EPHB1: variants seen among roughly 807,000 people sequenced by gnomAD.
The protein encoded by EPHB1 is ephrin type-B receptor 1.
A neutral mutation model predicts 94.4 loss-of-function variants in EPHB1; 30 were observed. The ratio of observed to expected loss-of-function variants is 0.32; its 90% CI spans 0.24 to 0.43. EPHB1 has a LOEUF of 0.43. Among genes scored for constraint, EPHB1 ranks in the 20% least tolerant of loss-of-function variants. The pLI, the probability that EPHB1 is intolerant of heterozygous loss-of-function variation, is 1.00. For missense variants in EPHB1, 1,055 were observed against 1,308.3 expected (o/e 0.81, Z 2.99); for synonymous variants, 522 against 489.1 (o/e 1.07, Z -0.89).
chr3:135,205,729 C>G (rs546751553), intron 12 of EPHB1, among the ~76,000 whole-genome samples: 8 of 152,286 alleles, frequency 5.3e-5, no homozygotes, highest in Non-Finnish European at 1.2e-4. Flanking sequence ...TATCATGTAA[C>G]TATCCGTCTA....
At chr3:135,083,309 AG>A (rs1196777827) in intron 3 of EPHB1, among the ~76,000 whole-genome samples, 21 of 151,960 alleles carry the variant, frequency 1.4e-4, no homozygotes, top group Admixed American at 1.3e-3. Flanking sequence ...AGAAAGCAGC[AG>A]GGGGGAAATT....
chr3:135,233,050 C>T (rs375107403), intron 12 of EPHB1, among the ~76,000 whole-genome samples: 2 of 152,146 alleles, frequency 1.3e-5, no homozygotes, highest in African/African-American at 4.8e-5. Flanking sequence ...CAAATCATAC[C>T]ATTCCACTTC....
chr3:135,072,524 C>T (rs1181476058), intron 3 of EPHB1, among the ~76,000 whole-genome samples: 2 of 152,198 alleles, frequency 1.3e-5, no homozygotes, highest in Admixed American at 6.5e-5. Flanking sequence ...GTAGCTCCTT[C>T]CAGTCTGCCC....
chr3:134,898,934 A>G (rs548063066), intron 1 of EPHB1, among the ~76,000 whole-genome samples: 2 of 152,156 alleles, frequency 1.3e-5, no homozygotes, highest in Non-Finnish European at 2.9e-5. Flanking sequence ...AGTCTTCAGA[A>G]GACCTCTGCA....
intron 12 of EPHB1, among the ~76,000 whole-genome samples, chr3:135,240,374 C>G (rs1943752940): frequency 6.6e-6 from 1 of 152,102 alleles, no homozygotes; most frequent in South Asian, 2.1e-4. Flanking sequence ...TGGCTAAGGT[C>G]TGGCAGACAA....
At position 134,888,431 on chromosome 3, in the gene EPHB1, C is replaced by T. The variant is rs367977599; in HGVS notation, c.59-37385C>T. 7.5e-4 allele frequency among the ~76,000 whole-genome samples: 114 copies of T among 152,040 alleles called. 1 individual carries two copies. The highest frequency in any genetic ancestry group is 1.6e-3 in the Admixed American group (25 of 15,272). ...AAGAGAAACATGCCTTTTTCTGGGCCGGGTGTGGTGGCTCACGCCTGTAAT... is the reference window on the plus strand; with the variant it reads ...AAGAGAAACATGCCTTTTTCTGGGCTGGGTGTGGTGGCTCACGCCTGTAAT... On this transcript the variant is annotated intron_variant, in intron 1 of 15. Transcript: ENST00000398015.
At chr3:134,824,562 G>A (rs573368020) in intron 1 of EPHB1, among the ~76,000 whole-genome samples, 2 of 152,272 alleles carry the variant, frequency 1.3e-5, no homozygotes, top group East Asian at 1.9e-4. Context: ...TTTGGTGATG[G>A]GAACTTGCCA....
At chr3:134,816,282 C>T (rs60393096) in intron 1 of EPHB1, among the ~76,000 whole-genome samples, 126 of 151,918 alleles carry the variant, frequency 8.3e-4, no homozygotes, top group East Asian at 8.0e-3. Flanking sequence ...TTAGTAGAGA[C>T]GGGGTTTCAC....
intron 5 of EPHB1, among the ~76,000 whole-genome samples, chr3:135,141,234 G>A (rs910702973): frequency 6.7e-6 from 1 of 148,426 alleles, no homozygotes; most frequent in Admixed American, 6.8e-5. Context: ...GCCCAGTCAT[G>A]CCCCCTAAGA....
chr3:135,100,428 G>A (rs1485201608), intron 3 of EPHB1, among the ~76,000 whole-genome samples: 1 of 152,122 alleles, frequency 6.6e-6, no homozygotes, highest in Admixed American at 6.6e-5. Context: ...CAGGTTAAAG[G>A]GCTCCAATAA....
At chr3:135,174,309 G>T (rs995820166) in intron 9 of EPHB1, among the ~76,000 whole-genome samples, 6 of 152,104 alleles carry the variant, frequency 3.9e-5, no homozygotes, top group African/African-American at 1.4e-4. Flanking sequence ...CCACATTCAA[G>T]CTGGTATCAC....
At chr3:135,053,564 A>G (rs964076578) in intron 3 of EPHB1, among the ~76,000 whole-genome samples, 1 of 152,230 alleles carries the variant, frequency 6.6e-6, no homozygotes, top group African/African-American at 2.4e-5. Flanking sequence ...GAGTCTTAGC[A>G]TATCAATAGT....
At chr3:135,155,482 G>A (rs983756019) in intron 6 of EPHB1, among the ~76,000 whole-genome samples, 1 of 152,030 alleles carries the variant, frequency 6.6e-6, no homozygotes, top group African/African-American at 2.4e-5. Context: ...AGATGAGAGA[G>A]ATTACCAGAG....
At chr3:135,128,466 CA>C (rs1188130928) in intron 4 of EPHB1, among the ~76,000 whole-genome samples, 1 of 152,162 alleles carries the variant, frequency 6.6e-6, no homozygotes, top group Non-Finnish European at 1.5e-5. Context: ...GGAATATGCC[CA>C]TCTCATCAGG....
At chr3:135,053,592 A>C (rs2107772860) in intron 3 of EPHB1, among the ~76,000 whole-genome samples, 1 of 152,300 alleles carries the variant, frequency 6.6e-6, no homozygotes, top group Admixed American at 6.5e-5. Flanking sequence ...TGCTCTCTGT[A>C]TATGCATCTT....
intron 2 of EPHB1, among the ~76,000 whole-genome samples, chr3:134,942,602 G>A (rs2039141344): frequency 6.6e-6 from 1 of 152,208 alleles, no homozygotes; most frequent in Non-Finnish European, 1.5e-5. Flanking sequence ...TTATCAGGAG[G>A]CATCCAGCAG....
chr3:134,835,893 G>A (rs565891102), intron 1 of EPHB1, among the ~76,000 whole-genome samples: 1 of 152,282 alleles, frequency 6.6e-6, no homozygotes, highest in Admixed American at 6.5e-5. Flanking sequence ...GGGTCCTTTG[G>A]TCATAGATTG....
intron 1 of EPHB1, among the ~76,000 whole-genome samples, chr3:134,863,005 T>G (rs2037299929): frequency 6.6e-6 from 1 of 152,222 alleles, no homozygotes; most frequent in Admixed American, 6.5e-5. Flanking sequence ...GCTACAGGGC[T>G]TCCTGGAGAG....
intron 1 of EPHB1, among the ~76,000 whole-genome samples, chr3:134,855,100 C>G (rs2037083686): frequency 6.6e-6 from 1 of 152,140 alleles, no homozygotes; most frequent in African/African-American, 2.4e-5. Flanking sequence ...TGTTTAGCAA[C>G]TCTTTAAAAT....
Sources: allele counts gnomAD v4.1 joint callset (sites outside exome capture counted in the v4.1 genomes callset), GRCh38; gene constraint gnomAD v4.1.1; transcripts MANE v1.5; gene names NCBI Gene and HGNC (gene_info 2026-07-23, HGNC 2026-07-21).